Variants in NSD2 observed in about 807,000 individuals in gnomAD.
The protein encoded by NSD2 is histone-lysine N-methyltransferase NSD2.
A neutral mutation model predicts 139.0 loss-of-function variants in NSD2; 12 were observed. The observed-to-expected ratio is 0.09, with a 90% CI of 0.06 to 0.14. The LOEUF is 0.14. NSD2 is among the 10% of genes least tolerant of loss of function. The pLI is 1.00. For synonymous variants in NSD2, 669 were observed against 648.7 expected, an observed-to-expected ratio of 1.03 and a Z score of -0.48; for missense variants, 1,155 against 1,745.0, an observed-to-expected ratio of 0.66 and a Z score of 6.02.
chr4:1,959,123 G>A (rs1725118305), intron 16 of NSD2, among the ~76,000 whole-genome samples: 1 of 152,178 alleles, frequency 6.6e-6, no homozygotes. Flanking sequence ...AGCGTTTGCT[G>A]GACACCCTGC....
chr4:1,958,444 G>A lies in NSD2; in HGVS notation c.2985+408G>A, dbSNP rs114094836. ...ACCTCAGAGAGCAAGATGGCGGGGCGGCAGGGGAGCTTGCCAGTTCTGTGT... is the reference window on the plus strand; with the variant it reads ...ACCTCAGAGAGCAAGATGGCGGGGCAGCAGGGGAGCTTGCCAGTTCTGTGT... On this transcript the variant is annotated intron_variant, in intron 16 of 21. Coordinates refer to ENST00000508803, the MANE Select transcript of NSD2 (RefSeq NM_001042424.3). The surrounding 1 kb of genome is among the most constrained non-coding windows in gnomAD (Gnocchi z 4.6). Among the ~76,000 whole-genome samples, 987 of 152,342 alleles carry A rather than the reference G, an allele frequency of 6.5e-3. 8 individuals are homozygous for A. The highest frequency in any genetic ancestry group is 0.018 in the East Asian group (91 of 5,180).
intron 11 of NSD2, chr4:1,952,735 C>T: frequency 9.2e-7 from 1 of 1,081,266 alleles, no homozygotes; most frequent in Non-Finnish European, 1.1e-6. Flanking sequence ...TGTTCTGCCT[C>T]CATGTTACTG....
chr4:1,873,890 C>T (rs2108879706), intron 1 of NSD2, among the ~76,000 whole-genome samples: 1 of 152,224 alleles, frequency 6.6e-6, no homozygotes, highest in African/African-American at 2.4e-5. Context: ...CTCTATGTGG[C>T]CCAGGCTTGA....
At chr4:1,952,273 A>G (rs1474236450) in intron 11 of NSD2, 42 bp downstream of exon 11, 3 of 1,608,894 alleles carry the variant, frequency 1.9e-6, no homozygotes, top group South Asian at 2.2e-5. Context: ...CTGGCCGGCC[A>G]CCTGCTCCTG....
chr4:1,960,000 A>G (rs1217385838), intron 17 of NSD2, among the ~76,000 whole-genome samples: 2 of 152,066 alleles, frequency 1.3e-5, no homozygotes, highest in African/African-American at 4.8e-5. Flanking sequence ...AGCTGGGACT[A>G]CAGGCGTGTT....
intron 1 of NSD2, among the ~76,000 whole-genome samples, chr4:1,889,538 G>A (rs1715372342): frequency 6.6e-6 from 1 of 150,480 alleles, no homozygotes; most frequent in Non-Finnish European, 1.5e-5. Context: ...TTTTGCTGTT[G>A]TTTCCCAGGC....
At chr4:1,936,798 T>C (rs1722459345) in intron 7 of NSD2, among the ~76,000 whole-genome samples, 1 of 152,170 alleles carries the variant, frequency 6.6e-6, no homozygotes, top group African/African-American at 2.4e-5. Flanking sequence ...AAAATACATC[T>C]CACATATTGC....
chr4:1,909,265 C>T (rs181747125), intron 3 of NSD2, among the ~76,000 whole-genome samples: 8 of 152,136 alleles, frequency 5.3e-5, no homozygotes, highest in Non-Finnish European at 7.4e-5. Flanking sequence ...TCCCACCACC[C>T]CCCCCAACCC....
intron 9 of NSD2, chr4:1,941,941 C>G: frequency 1.9e-6 from 2 of 1,075,748 alleles, no homozygotes; most frequent in Non-Finnish European, 2.3e-6. Context: ...CTGCTGGGCC[C>G]GATTCTGATA....
At position 1,891,124 on chromosome 4, in the gene NSD2, G is replaced by A. The variant is rs578113379; in HGVS notation, c.-29-9502G>A. Among the ~76,000 whole-genome samples the A allele has an allele frequency of 3.3e-5, 5 of 152,246 alleles. No homozygotes were observed. The South Asian group carries it at 1.0e-3, about 32-fold the overall frequency. ...GTCCAGGCTGATGTCGAGTTCTTGGGCTCAAGCAATCCTTCTGCCTTGGCC... is the reference window on the plus strand; with the variant it reads ...GTCCAGGCTGATGTCGAGTTCTTGGACTCAAGCAATCCTTCTGCCTTGGCC... On this transcript the variant is annotated intron_variant, in intron 1 of 21. Coordinates refer to ENST00000508803, the MANE Select transcript of NSD2 (RefSeq NM_001042424.3).
chr4:1,896,870 A>G (rs1353745389), intron 1 of NSD2, among the ~76,000 whole-genome samples: 1 of 148,992 alleles, frequency 6.7e-6, no homozygotes, highest in Admixed American at 6.8e-5. Context: ...GCCTTCCCCA[A>G]CATAAGAAAG....
intron 7 of NSD2, among the ~76,000 whole-genome samples, 165 bp downstream of exon 7, chr4:1,935,427 T>C (rs759880902): frequency 5.3e-5 from 8 of 152,156 alleles, no homozygotes; most frequent in Non-Finnish European, 7.4e-5. Flanking sequence ...CAGAACCCCA[T>C]TGAGAAAGGC....
chr4:1,950,927 C>T (rs1724152619), intron 9 of NSD2, 145 bp from the exon 10 acceptor site: 2 of 1,093,404 alleles, frequency 1.8e-6, no homozygotes, highest in Non-Finnish European at 2.6e-6. Flanking sequence ...ATGATGGTTC[C>T]ACTGTGAAAT....
In NSD2 at chr4:1,953,811, TAGAG is replaced by T. The variant is rs1188993681; in HGVS notation, c.2338+289_2338+292del. On this transcript the variant is annotated intron_variant, in intron 12 of 21. Coordinates refer to ENST00000508803, the MANE Select transcript of NSD2 (RefSeq NM_001042424.3). ...ACCCTGGCTTTTTTTTTTTTCTTTA[TAGAG>T]ATAGAGTCTTGCTCTGTTACCCAGG... Among the ~76,000 whole-genome samples, 6 of 151,780 alleles carry T rather than the reference TAGAG, an allele frequency of 4.0e-5. No homozygotes were observed. The East Asian group carries it at 1.2e-3, about 29-fold the overall frequency.
At chr4:1,917,485 G>C (rs1259391300) in intron 4 of NSD2, among the ~76,000 whole-genome samples, 2 of 152,126 alleles carry the variant, frequency 1.3e-5, no homozygotes, top group African/African-American at 2.4e-5. Flanking sequence ...GCCCAGGCTG[G>C]AGTGTAATGG....
intron 6 of NSD2, among the ~76,000 whole-genome samples, chr4:1,934,821 C>G (rs1369448430): frequency 8.0e-6 from 1 of 124,632 alleles, no homozygotes. Context: ...GCCCTCCAGC[C>G]TGGGTGACAG....
chr4:1,898,169 C>T (rs2108735695), intron 1 of NSD2, among the ~76,000 whole-genome samples: 1 of 152,156 alleles, frequency 6.6e-6, no homozygotes, highest in African/African-American at 2.4e-5. Flanking sequence ...TCACTGCAGC[C>T]TTGACCTCTT....
chr4:1,981,877 G>A lies in NSD2; in HGVS notation c.*2968G>A. 1 of 398,638 alleles carries A rather than the reference G, an allele frequency of 2.5e-6. No homozygotes were observed. The highest frequency in any genetic ancestry group is 4.4e-6 in the Non-Finnish European group (1 of 226,068). 24.7% of individuals were successfully genotyped at this position (398,638 alleles called of 1,614,324 possible). On this transcript the variant is annotated 3_prime_UTR_variant, in exon 22 of 22. Transcript: ENST00000508803. ...GTTAGTCAGTAGAGTAAAATGCTGT[G>A]TCCACGGGGTGTCACAGCCTCACCA... is the stretch of plus-strand genomic sequence containing the variant.
In NSD2 at chr4:1,935,272, T is replaced by TCA; in HGVS notation, c.1674+10_1674+11insCA. 6.2e-7 allele frequency: 1 copy of TCA among 1,607,768 alleles called. No individual in the cohort carries two copies. Among genetic ancestry groups the TCA allele is most frequent in the Non-Finnish European group, 8.5e-7 (1 of 1,175,588 alleles). On this transcript the variant is annotated intron_variant, in intron 7 of 21. Coordinates refer to ENST00000508803, the MANE Select transcript of NSD2 (RefSeq NM_001042424.3). ...GCACAGTCTTCGGAAGGTAATTGTG[T>TCA]TCCAGGTTTGCTTGACCTGTCAGAG...
Sources: gnomAD v4.1 joint callset for allele counts (sites outside exome capture counted in the v4.1 genomes callset) on GRCh38, gnomAD v4.1.1 for gene constraint, Gnocchi (gnomAD v3.1) non-coding constraint, MANE v1.5 for transcripts, NCBI Gene and HGNC (gene_info 2026-07-23, HGNC 2026-07-21) for gene names.